The following ATXN8OS variants were observed in gnomAD, a reference collection of about 807,000 sequenced individuals.
The protein encoded by ATXN8OS is ATXN8 opposite strand lncRNA.
rs61964572 is a variant in ATXN8OS at position 70,139,745 on chromosome 13, A to G, written n.500-7610A>G. Among the ~76,000 whole-genome samples the G allele has an allele frequency of 0.22, 32,830 of 152,010 alleles. 4,021 individuals are homozygous for G. The highest frequency in any genetic ancestry group is 0.53 in the East Asian group (2,717 of 5,132). Reference sequence around the variant, plus strand: ...GTATATTAGTCATTTTGCTCCCAATAGAAGGTGCATAACATAAATTATTTA... The same window carrying G: ...GTATATTAGTCATTTTGCTCCCAATGGAAGGTGCATAACATAAATTATTTA... On this transcript the variant is annotated intron_variant and non_coding_transcript_variant, in intron 3 of 4. Coordinates refer to ENST00000678624, the Ensembl canonical transcript of ATXN8OS.
intron 4 of ATXN8OS, among the ~76,000 whole-genome samples, chr13:70,161,506 T>C (rs1889008504): frequency 6.6e-6 from 1 of 152,156 alleles, no homozygotes; most frequent in African/African-American, 2.4e-5. Flanking sequence ...CTTCTTTCTG[T>C]ACTTAAGCAT....
intron 2 of ATXN8OS, among the ~76,000 whole-genome samples, chr13:70,121,263 C>T (rs1034201127): frequency 2.0e-5 from 3 of 151,948 alleles, no homozygotes; most frequent in Non-Finnish European, 4.4e-5. Flanking sequence ...CTACTGAAAG[C>T]CACTCGGGTA....
chr13:70,164,532 G>C (rs1160732820), intron 4 of ATXN8OS, among the ~76,000 whole-genome samples: 5 of 152,030 alleles, frequency 3.3e-5, no homozygotes. Context: ...AGGCAGGATA[G>C]AAGGAGAATA....
chr13:70,141,425 T>C (rs1888714020), intron 3 of ATXN8OS, among the ~76,000 whole-genome samples: 1 of 152,204 alleles, frequency 6.6e-6, no homozygotes, highest in Non-Finnish European at 1.5e-5. Flanking sequence ...AAAGTATTTA[T>C]AACTGCAAAA....
chr13:70,164,049 T>TTA (rs1555302139), intron 4 of ATXN8OS, among the ~76,000 whole-genome samples: 1 of 140,504 alleles, frequency 7.1e-6, no homozygotes, highest in African/African-American at 2.7e-5. Flanking sequence ...GCTGGAAGTT[T>TTA]TTATTCTTAT....
chr13:70,133,868 C>T (rs1271220794), intron 3 of ATXN8OS, among the ~76,000 whole-genome samples: 3 of 152,080 alleles, frequency 2.0e-5, no homozygotes, highest in Non-Finnish European at 4.4e-5. Context: ...TGTTTTAAGC[C>T]ACCCACTTTC....
At chr13:70,114,790 C>T (rs1268159027) in intron 1 of ATXN8OS, among the ~76,000 whole-genome samples, 1 of 151,974 alleles carries the variant, frequency 6.6e-6, no homozygotes, top group African/African-American at 2.4e-5. Flanking sequence ...ATAAAACAGG[C>T]TTAATATGAA....
chr13:70,133,805 C>A (rs1288991312), intron 3 of ATXN8OS, among the ~76,000 whole-genome samples: 1 of 152,114 alleles, frequency 6.6e-6, no homozygotes, highest in Non-Finnish European at 1.5e-5. Flanking sequence ...CTCACATATT[C>A]ATTCTGGACT....
At chr13:70,160,104 C>T (rs974011295) in intron 4 of ATXN8OS, among the ~76,000 whole-genome samples, 1 of 152,016 alleles carries the variant, frequency 6.6e-6, no homozygotes, top group Non-Finnish European at 1.5e-5. Flanking sequence ...ATAGAATATG[C>T]CAGAATGGCT....
chr13:70,131,093 C>T (rs1045544998), intron 3 of ATXN8OS: 1 of 398,388 alleles, frequency 2.5e-6, no homozygotes, highest in Non-Finnish European at 4.4e-6. Context: ...CCACATTCTT[C>T]CCTGCTCTTC....
rs117459807 is a variant in ATXN8OS at position 70,142,951 on chromosome 13, T to A, written n.500-4404T>A. Among the ~76,000 whole-genome samples the A allele has an allele frequency of 2.5e-3, 377 of 152,048 alleles. 13 individuals are homozygous for A. The East Asian group carries it at 0.064, about 26-fold the overall frequency. On this transcript the variant is annotated intron_variant and non_coding_transcript_variant, in intron 3 of 4. Coordinates refer to ENST00000678624, the Ensembl canonical transcript of ATXN8OS. The stretch of plus-strand genomic sequence containing the variant: ...AGTCTGGTGTGGTGGCACACGCCTG[T>A]AATCCTAGTTACTCAGGAGGCTGAG...
At chr13:70,137,005 A>C (rs967682196) in intron 3 of ATXN8OS, among the ~76,000 whole-genome samples, 15 of 152,174 alleles carry the variant, frequency 9.9e-5, no homozygotes, top group African/African-American at 3.6e-4. Flanking sequence ...CTGTCAAGAA[A>C]GACTTAACAC....
intron 4 of ATXN8OS, among the ~76,000 whole-genome samples, chr13:70,148,382 A>G (rs1278950577): frequency 2.0e-5 from 3 of 152,086 alleles, no homozygotes; most frequent in African/African-American, 7.2e-5. Flanking sequence ...TAATACAACG[A>G]ATCTCTTCTG....
chr13:70,123,531 G>A (rs1003279985), intron 2 of ATXN8OS, among the ~76,000 whole-genome samples: 2 of 152,114 alleles, frequency 1.3e-5, no homozygotes, highest in Non-Finnish European at 2.9e-5. Flanking sequence ...TGGACAGTTG[G>A]TGAAGGCTTG....
intron 3 of ATXN8OS, among the ~76,000 whole-genome samples, chr13:70,131,858 C>T (rs997035559): frequency 3.3e-5 from 5 of 152,106 alleles, no homozygotes; most frequent in Non-Finnish European, 7.4e-5. Flanking sequence ...CACCTAACTC[C>T]TAACAAAGTA....
rs75397530 is a variant in ATXN8OS, at chr13:70,129,870, T to C, written n.485T>C. On this transcript the variant is annotated non_coding_transcript_exon_variant, in exon 3 of 5. Transcript: ENST00000678624. ...GTGTTGAGAAGAGAATGGCTCAGAG[T>C]CAAGCGGGAACAAGGTAAAAACATC... is the stretch of plus-strand genomic sequence containing the variant. 1,037 of 398,196 alleles carry C rather than the reference T, an allele frequency of 2.6e-3. 11 individuals carry two copies. Among genetic ancestry groups the C allele is most frequent in the African/African-American group, 0.02 (959 of 48,636 alleles). 24.7% of individuals were successfully genotyped at this position (398,196 alleles called of 1,614,324 possible).
chr13:70,152,396 T>C (rs1013787130), intron 4 of ATXN8OS, among the ~76,000 whole-genome samples: 49 of 152,104 alleles, frequency 3.2e-4, no homozygotes, highest in African/African-American at 1.2e-3. Flanking sequence ...TATATACACA[T>C]ATATACATAC....
At chr13:70,107,602 G>A (rs1293680418), upstream of ATXN8OS, 7 of 1,593,424 alleles carry the variant, frequency 4.4e-6, no homozygotes, top group Middle Eastern at 1.7e-4. Flanking sequence ...GCCTCCCCCC[G>A]CCGGGCCGCC....
intron 2 of ATXN8OS, chr13:70,129,680 T>A (rs1888499760): frequency 2.5e-6 from 1 of 396,808 alleles, no homozygotes; most frequent in Admixed American, 4.4e-5. Context: ...GAAATGTTCT[T>A]ATAAGTAGAA....
Sources: gnomAD v4.1 joint callset for allele counts (sites outside exome capture counted in the v4.1 genomes callset) on GRCh38, gnomAD v4.1.1 for gene constraint, MANE v1.5 for transcripts, NCBI Gene and HGNC (gene_info 2026-07-23, HGNC 2026-07-21) for gene names.